Variants in FHIT observed in about 807,000 individuals in gnomAD.
FHIT encodes the protein fragile histidine triad diadenosine triphosphatase, also known as bis(5'-adenosyl)-triphosphatase.
Under a neutral mutation model 17.9 loss-of-function variants are expected in FHIT, and 19 were observed. The ratio of observed to expected loss-of-function variants is 1.06; its 90% confidence interval spans 0.74 to 1.56. The LOEUF is 1.56. Among genes scored for constraint, FHIT ranks in the 40% most tolerant of loss-of-function variants. The probability of loss-of-function intolerance (pLI) is 0.00; values close to 1 mark genes in which losing one functional copy is unlikely to be tolerated. For missense variants in FHIT, 248 were observed against 189.2 expected (o/e 1.31, Z -1.82); for synonymous variants, 81 against 69.7 (o/e 1.16, Z -0.81).
intron 4 of FHIT, among the ~76,000 whole-genome samples, chr3:60,805,728 T>C (rs1244626020): frequency 6.6e-6 from 1 of 151,744 alleles, no homozygotes; most frequent in Middle Eastern, 3.2e-3. Context: ...GCTAATTTTG[T>C]TTTTGTATTT....
intron 8 of FHIT, among the ~76,000 whole-genome samples, chr3:59,887,257 G>A (rs1445122623): frequency 6.6e-6 from 1 of 152,146 alleles, no homozygotes. Flanking sequence ...AAGAACAGTA[G>A]CAGTGGAATC....
At chr3:59,776,628 G>C (rs1463640242) in intron 8 of FHIT, among the ~76,000 whole-genome samples, 1 of 152,072 alleles carries the variant, frequency 6.6e-6, no homozygotes, top group East Asian at 1.9e-4. Context: ...TGGACCCCTT[G>C]CTTCTACTCT....
At chr3:61,024,724 C>A (rs940627484) in intron 3 of FHIT, among the ~76,000 whole-genome samples, 2 of 152,112 alleles carry the variant, frequency 1.3e-5, no homozygotes, top group Non-Finnish European at 1.5e-5. Flanking sequence ...AAAGACAACG[C>A]ATTTTATGAT....
chr3:60,529,096 A>G (rs1206592385), intron 5 of FHIT, among the ~76,000 whole-genome samples: 1 of 152,190 alleles, frequency 6.6e-6, no homozygotes, highest in Non-Finnish European at 1.5e-5. Context: ...GATATCTGGT[A>G]TTGTAGAGGT....
At chr3:60,245,208 T>C (rs1028453175) in intron 5 of FHIT, among the ~76,000 whole-genome samples, 2 of 152,072 alleles carry the variant, frequency 1.3e-5, no homozygotes, top group African/African-American at 4.8e-5. Context: ...ACATACTTTA[T>C]ATCTAAAATT....
chr3:60,835,248 T>C (rs1702494693), intron 3 of FHIT, among the ~76,000 whole-genome samples: 1 of 4,976 alleles, frequency 2.0e-4, no homozygotes, highest in Admixed American at 5.7e-3. Context: ...TAATGTCATC[T>C]ATATATGAAA....
intron 3 of FHIT, among the ~76,000 whole-genome samples, chr3:61,013,105 A>C (rs1279346237): frequency 1.3e-5 from 2 of 152,136 alleles, no homozygotes; most frequent in Non-Finnish European, 2.9e-5. Context: ...CAACTCTTTA[A>C]ACTTATAACA....
At chr3:60,149,964 G>A (rs978620878) in intron 5 of FHIT, among the ~76,000 whole-genome samples, 2 of 149,526 alleles carry the variant, frequency 1.3e-5, no homozygotes, top group African/African-American at 4.9e-5. Context: ...GGTTAGGCTG[G>A]ATAAAAGGCA....
chr3:60,187,410 C>G lies in FHIT; in HGVS notation c.104-173258G>C, dbSNP rs550297478. 3.3e-5 allele frequency among the ~76,000 whole-genome samples: 5 copies of G among 152,252 alleles called. No individual in the cohort carries two copies. The South Asian group carries it at 1.0e-3, about 32-fold the overall frequency. On this transcript the variant is annotated intron_variant, in intron 5 of 9. Coordinates refer to ENST00000492590, the MANE Select transcript of FHIT (RefSeq NM_002012.4). The stretch of plus-strand genomic sequence containing the variant: ...GTATAAATGCAGTTTTTAAATTAGG[C>G]CATGGAGGGAAACTCTTGGATTGTT...
At chr3:60,335,848 T>TA (rs778958608) in intron 5 of FHIT, among the ~76,000 whole-genome samples, 30 of 151,872 alleles carry the variant, frequency 2.0e-4, no homozygotes, top group Non-Finnish European at 4.1e-4. Flanking sequence ...GTAAAGAACT[T>TA]AAAAAAAATG....
At chr3:60,306,059 A>G (rs1170913216) in intron 5 of FHIT, among the ~76,000 whole-genome samples, 1 of 152,106 alleles carries the variant, frequency 6.6e-6, no homozygotes, top group Non-Finnish European at 1.5e-5. Flanking sequence ...TAATTCCAAG[A>G]TTTTCTAAAG....
intron 1 of FHIT, among the ~76,000 whole-genome samples, chr3:61,212,336 C>T (rs941348345): frequency 9.2e-5 from 14 of 152,002 alleles, no homozygotes; most frequent in African/African-American, 3.4e-4. Context: ...AGCCAAGGCA[C>T]GAGAACTACG....
intron 2 of FHIT, among the ~76,000 whole-genome samples, chr3:61,077,336 C>T (rs1044053428): frequency 1.3e-5 from 2 of 151,914 alleles, no homozygotes; most frequent in Non-Finnish European, 2.9e-5. Flanking sequence ...TAGAAGCCCA[C>T]AAAATATTTG....
At chr3:60,383,126 G>A (rs866881891) in intron 5 of FHIT, among the ~76,000 whole-genome samples, 3 of 152,142 alleles carry the variant, frequency 2.0e-5, no homozygotes, top group African/African-American at 7.2e-5. Context: ...AAAACAGAGC[G>A]ACAGAAATGT....
chr3:60,850,323 T>TTCTCTC (rs3046704), intron 3 of FHIT, among the ~76,000 whole-genome samples: 3,880 of 119,984 alleles, frequency 0.032, 139 homozygotes, highest in South Asian at 0.058. Flanking sequence ...GTGTCTGCAC[T>TTCTCTC]TCTCTCTCTC....
chr3:60,783,601 A>C (rs1700467706), intron 4 of FHIT, among the ~76,000 whole-genome samples: 1 of 152,172 alleles, frequency 6.6e-6, no homozygotes, highest in Non-Finnish European at 1.5e-5. Context: ...GAGTGTGGGG[A>C]AATGAATTTT....
chr3:61,036,422 G>C (rs907193958), intron 3 of FHIT, among the ~76,000 whole-genome samples: 1 of 151,774 alleles, frequency 6.6e-6, no homozygotes, highest in Admixed American at 6.6e-5. Flanking sequence ...ATCACTAACC[G>C]AGTGTTCAGA....
intron 8 of FHIT, among the ~76,000 whole-genome samples, chr3:59,833,984 A>C (rs1701254051): frequency 6.6e-6 from 1 of 152,182 alleles, no homozygotes; most frequent in Non-Finnish European, 1.5e-5. Context: ...AGCCATGAGG[A>C]ATGGTGAGTC....
At chr3:60,311,654 A>G (rs1175830493) in intron 5 of FHIT, among the ~76,000 whole-genome samples, 1 of 152,232 alleles carries the variant, frequency 6.6e-6, no homozygotes, top group Non-Finnish European at 1.5e-5. Context: ...GGACCAATGC[A>G]TAATTGCTCA....
Sources: gnomAD v4.1 joint callset for allele counts (sites outside exome capture counted in the v4.1 genomes callset) on GRCh38, gnomAD v4.1.1 for gene constraint, MANE v1.5 for transcripts, NCBI Gene and HGNC (gene_info 2026-07-23, HGNC 2026-07-21) for gene names.